CCNY: variants seen among roughly 807,000 people sequenced by gnomAD.
CCNY encodes cyclin Y, also known as cyclin-Y.
CCNY carries 19 observed loss-of-function variants against 42.8 expected under a neutral mutation model. That is an observed-to-expected ratio of 0.44 (90% CI 0.31 to 0.65). The LOEUF is 0.65. Among genes scored for constraint, CCNY ranks in the 30% least tolerant of loss-of-function variants. The probability of loss-of-function intolerance (pLI) is 0.07; values close to 1 mark genes in which losing one functional copy is unlikely to be tolerated. For missense variants in CCNY, 370 were observed against 437.3 expected (o/e 0.85, Z 1.37); for synonymous variants, 165 against 162.7 (o/e 1.01, Z -0.11).
intron 1 of CCNY, among the ~76,000 whole-genome samples, chr10:35,404,548 A>C (rs1429702848): frequency 6.6e-6 from 1 of 152,154 alleles, no homozygotes; most frequent in Non-Finnish European, 1.5e-5. Context: ...CAGGCCCTTG[A>C]AAATAAGGTA....
chr10:35,267,580 G>C (rs533518781), intron 3 of CCNY, among the ~76,000 whole-genome samples: 1 of 152,198 alleles, frequency 6.6e-6, no homozygotes, highest in Admixed American at 6.6e-5. Flanking sequence ...AGTCTGGCAG[G>C]AAGCCAGAGG....
At chr10:35,470,279 G>T (rs1180579016) in intron 1 of CCNY, among the ~76,000 whole-genome samples, 1 of 151,926 alleles carries the variant, frequency 6.6e-6, no homozygotes, top group African/African-American at 2.4e-5. Flanking sequence ...ACAGGCAGGT[G>T]GAGAGACCGA....
chr10:35,468,251 C>T (rs565934482), intron 1 of CCNY, among the ~76,000 whole-genome samples: 10 of 152,294 alleles, frequency 6.6e-5, no homozygotes, highest in African/African-American at 1.9e-4. Flanking sequence ...GGGCGCTAAT[C>T]GCATTCGTGA....
chr10:35,371,340 C>A (rs1490416904), intron 1 of CCNY, among the ~76,000 whole-genome samples: 2 of 152,210 alleles, frequency 1.3e-5, no homozygotes, highest in African/African-American at 4.8e-5. Flanking sequence ...TGTGGCCACA[C>A]TAGTTCCTGC....
intron 1 of CCNY, among the ~76,000 whole-genome samples, chr10:35,353,674 C>G (rs769678975): frequency 7.2e-5 from 11 of 152,310 alleles, no homozygotes; most frequent in Admixed American, 3.9e-4. Context: ...GATCCTTTCA[C>G]TGCAACACAC....
intron 1 of CCNY, among the ~76,000 whole-genome samples, chr10:35,398,066 C>T (rs1738410031): frequency 6.6e-6 from 1 of 152,154 alleles, no homozygotes; most frequent in South Asian, 2.1e-4. Flanking sequence ...TGGATGGAGG[C>T]AGCAGGGAGG....
At position 35,569,080 on chromosome 10, in the gene CCNY, G is replaced by T. The variant is rs1242917855; in HGVS notation, c.936G>T (p.Lys312Asn). Residue 312 changes from lysine to asparagine, a missense_variant, in exon 10 of 10, where the codon AAG becomes AAT. Physicochemically the swap from Lys to Asn is moderately conservative, Grantham distance 94. Coordinates refer to ENST00000374704, the MANE Select transcript of CCNY (RefSeq NM_145012.6). ...LEAISRLCED[K>N]YKDLRRSARK... is the part of the protein sequence containing the mutation. Reference sequence around the variant, plus strand: ...CCATCTCTCGCCTCTGCGAGGACAAGTACAAGGACCTAAGAAGATCCGCGA... The same window carrying T: ...CCATCTCTCGCCTCTGCGAGGACAATTACAAGGACCTAAGAAGATCCGCGA... 1 of 1,613,020 alleles carries T rather than the reference G, an allele frequency of 6.2e-7. No individual in the cohort carries two copies. Among genetic ancestry groups the T allele is most frequent in the Non-Finnish European group, 8.5e-7 (1 of 1,179,700 alleles).
At chr10:35,277,539 A>T (rs1009280718) in intron 3 of CCNY, among the ~76,000 whole-genome samples, 6 of 152,098 alleles carry the variant, frequency 3.9e-5, no homozygotes, top group Non-Finnish European at 8.8e-5. Flanking sequence ...AGACTTCCTT[A>T]AACTCTGCCT....
At chr10:35,263,884 A>G (rs1437969380) in intron 3 of CCNY, among the ~76,000 whole-genome samples, 2 of 152,116 alleles carry the variant, frequency 1.3e-5, no homozygotes, top group African/African-American at 2.4e-5. Context: ...CAATGTGTCC[A>G]TGTGTTCTCA....
rs116087072 is a variant in CCNY at position 35,526,405 on chromosome 10, T to C, written c.401+406T>C. 3.4e-3 allele frequency among the ~76,000 whole-genome samples: 513 copies of C among 152,360 alleles called. 4 individuals carry two copies. Among genetic ancestry groups the C allele is most frequent in the African/African-American group, 0.012 (483 of 41,580 alleles). ...GGCAATTTTGGTGTAAATTTAGGCA[T>C]GAACTATTTTAATATAGAAGCCCTC... On this transcript the variant is annotated intron_variant, in intron 5 of 9. Coordinates refer to ENST00000374704, the MANE Select transcript of CCNY (RefSeq NM_145012.6).
At chr10:35,302,067 G>A (rs1835543888) in intron 3 of CCNY, among the ~76,000 whole-genome samples, 2 of 151,388 alleles carry the variant, frequency 1.3e-5, no homozygotes, top group African/African-American at 2.4e-5. Flanking sequence ...AGGTTCAAGC[G>A]ATTCTCTGCC....
intron 1 of CCNY, among the ~76,000 whole-genome samples, chr10:35,392,162 G>T (rs530630820): frequency 1.3e-5 from 2 of 152,238 alleles, no homozygotes; most frequent in South Asian, 2.1e-4. Context: ...TTCCTGCTGC[G>T]TATAGTGGGA....
At chr10:35,465,073 G>T (rs577903295) in intron 1 of CCNY, among the ~76,000 whole-genome samples, 1 of 152,304 alleles carries the variant, frequency 6.6e-6, no homozygotes, top group East Asian at 1.9e-4. Context: ...ATTTGCATTT[G>T]AGTTAATGGT....
chr10:35,499,504 G>A (rs548665087), intron 2 of CCNY, among the ~76,000 whole-genome samples: 16 of 152,228 alleles, frequency 1.1e-4, no homozygotes, highest in African/African-American at 3.4e-4. Flanking sequence ...TTTCTTGGTC[G>A]GACTTATAGT....
At chr10:35,324,094 G>C (rs1564368932) in intron 3 of CCNY, among the ~76,000 whole-genome samples, 1 of 152,070 alleles carries the variant, frequency 6.6e-6, no homozygotes, top group Non-Finnish European at 1.5e-5. Flanking sequence ...CAAAGGGAAT[G>C]TGAAAAAGAA....
chr10:35,497,792 C>T (rs2135386483), intron 2 of CCNY, among the ~76,000 whole-genome samples: 1 of 151,326 alleles, frequency 6.6e-6, no homozygotes, highest in South Asian at 2.1e-4. Flanking sequence ...CTTGGTTGTG[C>T]TCCTGCTAGC....
intron 1 of CCNY, among the ~76,000 whole-genome samples, chr10:35,380,401 T>C (rs1396167977): frequency 6.6e-6 from 1 of 152,248 alleles, no homozygotes; most frequent in Non-Finnish European, 1.5e-5. Context: ...GTGTGGAATG[T>C]ATCAGAGAGT....
intron 1 of CCNY, among the ~76,000 whole-genome samples, chr10:35,481,475 A>G (rs1233657424): frequency 6.6e-6 from 1 of 152,236 alleles, no homozygotes; most frequent in African/African-American, 2.4e-5. Context: ...GGTGTTCCAT[A>G]AACCTCTACT....
chr10:35,485,724 C>CAAAAAAAAA lies in CCNY; in HGVS notation c.229+2253_229+2261dup, dbSNP rs60570748. On this transcript the variant is annotated intron_variant, in intron 2 of 9. Coordinates refer to ENST00000374704, the MANE Select transcript of CCNY (RefSeq NM_145012.6). ...TGGGCGACAGAGCGAGACTCCGTCT[C>CAAAAAAAAA]AAAAAAAAAAAAAAACAAAAAAAAA... Among the ~76,000 whole-genome samples, 32 of 97,772 alleles carry CAAAAAAAAA rather than the reference C, an allele frequency of 3.3e-4. 1 individual carries two copies. Among genetic ancestry groups the CAAAAAAAAA allele is most frequent in the African/African-American group, 1.2e-3 (32 of 27,230 alleles). The allele number at this position is 97,772 out of a possible 152,430, so 64.1% of individuals were successfully genotyped here. A position where few individuals can be genotyped will look rare whatever the true frequency, so the allele number is the denominator to read the frequency against.
Sources: gnomAD v4.1 joint callset for allele counts (sites outside exome capture counted in the v4.1 genomes callset) on GRCh38, gnomAD v4.1.1 for gene constraint, MANE v1.5 for transcripts, NCBI Gene and HGNC (gene_info 2026-07-23, HGNC 2026-07-21) for gene names.